Variants in MYO1E observed in about 807,000 individuals in gnomAD.
MYO1E encodes unconventional myosin-Ie.
A neutral mutation model predicts 151.1 loss-of-function variants in MYO1E; 68 were observed. The observed-to-expected ratio is 0.45, with a 90% confidence interval of 0.37 to 0.55. MYO1E has a LOEUF of 0.55. MYO1E is among the 20% of genes least tolerant of loss of function. MYO1E has a pLI of 0.00. For missense variants in MYO1E, 1,363 were observed against 1,389.3 expected, an observed-to-expected ratio of 0.98 and a Z score of 0.30; for synonymous variants, 601 against 501.7, an observed-to-expected ratio of 1.20 and a Z score of -2.64.
intron 21 of MYO1E, among the ~76,000 whole-genome samples, chr15:59,173,126 CCTTA>C (rs1555408641): frequency 1.3e-5 from 2 of 152,186 alleles, no homozygotes; most frequent in Non-Finnish European, 2.9e-5. Context: ...GCTGGAAAAG[CCTTA>C]CTTATCAGCC....
intron 1 of MYO1E, among the ~76,000 whole-genome samples, chr15:59,344,460 T>A (rs1163021862): frequency 6.6e-6 from 1 of 152,228 alleles, no homozygotes; most frequent in Non-Finnish European, 1.5e-5. Context: ...ACTGCAGGTC[T>A]GACCTGAAGC....
rs55633634 is a variant in MYO1E, at chr15:59,160,336, C to CGTGTGTGTGT, written c.2785+727_2785+736dup. Among the ~76,000 whole-genome samples the CGTGTGTGTGT allele has an allele frequency of 4.3e-3, 517 of 120,144 alleles. 7 individuals carry two copies. Among genetic ancestry groups the CGTGTGTGTGT allele is most frequent in the African/African-American group, 0.012 (379 of 32,928 alleles). 78.8% of individuals were successfully genotyped at this position (120,144 alleles called of 152,430 possible). The stretch of plus-strand genomic sequence containing the variant: ...AGTTAGACTGGGGTTTGAGGTAGTG[C>CGTGTGTGTGT]GTGTGTGTGTGTGTGTGTGTGTGTG... On this transcript the variant is annotated intron_variant, in intron 24 of 27. Coordinates refer to ENST00000288235, the MANE Select transcript of MYO1E (RefSeq NM_004998.4).
intron 8 of MYO1E, 106 bp from the exon 9 acceptor site, chr15:59,223,297 G>A: frequency 1.6e-6 from 2 of 1,225,982 alleles, no homozygotes; most frequent in Non-Finnish European, 2.3e-6. Flanking sequence ...GATGTGACAA[G>A]TACAGACGAG....
intron 6 of MYO1E, among the ~76,000 whole-genome samples, chr15:59,230,094 G>A (rs964352748): frequency 1.2e-4 from 18 of 152,064 alleles, no homozygotes; most frequent in African/African-American, 3.4e-4. Context: ...AACCAATAGC[G>A]TGTTTTCTCG....
chr15:59,327,530 G>A (rs1258572932), intron 1 of MYO1E, among the ~76,000 whole-genome samples: 1 of 151,960 alleles, frequency 6.6e-6, no homozygotes, highest in Non-Finnish European at 1.5e-5. Flanking sequence ...TCCCAGGCTT[G>A]TCTCAAACTC....
chr15:59,321,647 T>C (rs1378357417), intron 1 of MYO1E, among the ~76,000 whole-genome samples: 2 of 152,120 alleles, frequency 1.3e-5, no homozygotes, highest in Admixed American at 6.5e-5. Context: ...CTCATGGACA[T>C]AAAGATGGCA....
Position 59,214,247 on chromosome 15 carries a change from A to G in MYO1E, c.1256T>C (p.Leu419Pro). ...GCTTACCTGTTCTGCCTTTAATGTC[A>G]GTTCAATAAAAATCTGCTGCAGTTT... is the stretch of plus-strand genomic sequence containing the variant. ...NEKLQQIFIE[L>P]TLKAEQEEYV... Residue 419 changes from leucine to proline, a missense_variant, in exon 12 of 28, where the codon CTG (leucine) becomes CCG (proline). Coordinates refer to ENST00000288235, the MANE Select transcript of MYO1E (RefSeq NM_004998.4). 6.2e-7 allele frequency: 1 copy of G among 1,612,956 alleles called. No homozygotes were observed. Among genetic ancestry groups the G allele is most frequent in the South Asian group, 1.1e-5 (1 of 90,928 alleles).
chr15:59,191,596 C>T (rs978595930), intron 17 of MYO1E, among the ~76,000 whole-genome samples: 1 of 152,084 alleles, frequency 6.6e-6, no homozygotes, highest in African/African-American at 2.4e-5. Context: ...CAAGCAGAAA[C>T]GTTCCTCTCC....
In MYO1E at chr15:59,188,142, C is replaced by G; in HGVS notation, c.1880G>C (p.Arg627Pro). Reference protein sequence around the residue: ...RVRRAGYAYRRIFQKFLQRYA... With the variant: ...RVRRAGYAYRPIFQKFLQRYA... ...CCTCTGTAGGAATTTTTGGAAGATG[C>G]GCCGATAGGCATAGCCAGCTCTTCT... is the stretch of plus-strand genomic sequence containing the variant. Residue 627 changes from arginine (R) to proline (P), a missense_variant, in exon 18 of 28, where the codon CGC becomes CCC. By Grantham distance (103) the Arg-to-Pro change is moderately radical (BLOSUM62 -2). Coordinates refer to ENST00000288235, the MANE Select transcript of MYO1E (RefSeq NM_004998.4). The G allele has an allele frequency of 1.2e-6, 2 of 1,613,830 alleles. No individual in the cohort carries two copies. Among genetic ancestry groups the G allele is most frequent in the Non-Finnish European group, 1.7e-6 (2 of 1,179,850 alleles).
chr15:59,318,205 T>G (rs1313747462), intron 1 of MYO1E, among the ~76,000 whole-genome samples: 2 of 152,180 alleles, frequency 1.3e-5, no homozygotes, highest in East Asian at 3.8e-4. Context: ...CCCAGGCCTC[T>G]CCAGCCATTA....
chr15:59,343,574 T>C (rs1365122181), intron 1 of MYO1E, among the ~76,000 whole-genome samples: 1 of 152,176 alleles, frequency 6.6e-6, no homozygotes, highest in Non-Finnish European at 1.5e-5. Context: ...TATCTTATTA[T>C]CCCTTTGAAT....
chr15:59,150,388 G>C (rs2079468582), intron 26 of MYO1E, among the ~76,000 whole-genome samples: 1 of 152,210 alleles, frequency 6.6e-6, no homozygotes. Flanking sequence ...TTAAGACACA[G>C]TGTTCCTAAA....
intron 4 of MYO1E, among the ~76,000 whole-genome samples, chr15:59,251,421 A>T (rs1341811481): frequency 6.6e-6 from 1 of 152,254 alleles, no homozygotes; most frequent in African/African-American, 2.4e-5. Context: ...TTGTGGTAGG[A>T]TAAAAATAAA....
intron 1 of MYO1E, among the ~76,000 whole-genome samples, chr15:59,281,981 A>G (rs1041012630): frequency 3.8e-4 from 58 of 151,840 alleles, no homozygotes; most frequent in African/African-American, 1.4e-3. Context: ...AAAGGAAAAG[A>G]AAAAGAGAAA....
chr15:59,250,665 T>C (rs1229612542), intron 4 of MYO1E, among the ~76,000 whole-genome samples: 6 of 151,920 alleles, frequency 3.9e-5, no homozygotes, highest in Non-Finnish European at 7.4e-5. Context: ...TTGATGAGGG[T>C]GGCCTGGGGA....
At chr15:59,364,481 C>A (rs183683268) in intron 1 of MYO1E, among the ~76,000 whole-genome samples, 1 of 152,146 alleles carries the variant, frequency 6.6e-6, no homozygotes, top group African/African-American at 2.4e-5. Flanking sequence ...GTGAGTAATC[C>A]GGCTACATGG....
intron 17 of MYO1E, among the ~76,000 whole-genome samples, chr15:59,192,210 T>C (rs1349246310): frequency 1.1e-4 from 17 of 147,942 alleles, no homozygotes. Context: ...AAATCAACGC[T>C]CGACCAACTA....
At chr15:59,173,720 C>G in intron 21 of MYO1E, 26 bp downstream of exon 21, 1 of 1,613,134 alleles carries the variant, frequency 6.2e-7, no homozygotes. Flanking sequence ...GTTTGGTGAT[C>G]TCAGAGGCAG....
chr15:59,205,635 T>G lies in MYO1E; in HGVS notation c.1531-150A>C. The G allele has an allele frequency of 6.6e-6, 5 of 757,562 alleles. No homozygotes were observed. The South Asian group carries it at 7.5e-5, about 11-fold the overall frequency. 46.9% of individuals were successfully genotyped at this position (757,562 alleles called of 1,614,324 possible). A position where few individuals can be genotyped will look rare whatever the true frequency, so the allele number is the denominator to read the frequency against. On this transcript the variant is annotated intron_variant, in intron 14 of 27. Transcript: ENST00000288235. ...ACCACAACATGTGGATTTCCAGATG[T>G]TGCATTTGGGATTTCATTGTGCACT...
Sources: gnomAD v4.1 joint callset for allele counts (sites outside exome capture counted in the v4.1 genomes callset) on GRCh38, gnomAD v4.1.1 for gene constraint, MANE v1.5 for transcripts, NCBI Gene and HGNC (gene_info 2026-07-23, HGNC 2026-07-21) for gene names.